DRC11: variants seen among roughly 807,000 people sequenced by gnomAD.
DRC11 encodes the protein IQ and AAA domain-containing protein 1.
At chr2:236,309,223 GC>G in the DRC11 span, among the ~76,000 whole-genome samples, 1 of 152,182 alleles carries the variant, frequency 6.6e-6, no homozygotes, top group East Asian at 1.9e-4. This position sits in a 1 kb window ranked among gnomAD's most constrained non-coding sequence, Gnocchi z 5.7. Context: ...CTGTGCCCTG[GC>G]CCTGTCAGTC....
the DRC11 span, among the ~76,000 whole-genome samples, chr2:236,470,767 T>G: frequency 6.6e-6 from 1 of 152,196 alleles, no homozygotes; most frequent in African/African-American, 2.4e-5. The surrounding 1 kb of genome is among the most constrained non-coding windows in gnomAD (Gnocchi z 5.1). Flanking sequence ...GCTTTTGCCC[T>G]CTGCTCAGAG....
At chr2:236,471,586 A>G in the DRC11 span, among the ~76,000 whole-genome samples, 8,920 of 152,264 alleles carry the variant, frequency 0.059, 650 homozygotes, top group East Asian at 0.18. This position sits in a 1 kb window ranked among gnomAD's most constrained non-coding sequence, Gnocchi z 4.6. Context: ...GCTAACACTT[A>G]CGTAGTGCTT....
At chr2:236,454,666 G>T in the DRC11 span, 1 of 152,148 alleles carries the variant, frequency 6.6e-6, no homozygotes, top group Non-Finnish European at 1.5e-5. The surrounding 1 kb of genome is among the most constrained non-coding windows in gnomAD (Gnocchi z 5.3). Context: ...GGACTATAAA[G>T]GGAAAGAATA....
the DRC11 span, among the ~76,000 whole-genome samples, chr2:236,492,468 C>T: frequency 6.6e-6 from 1 of 152,228 alleles, no homozygotes; most frequent in African/African-American, 2.4e-5. Flanking sequence ...TTCCTTAACA[C>T]CATCACCCAG....
the DRC11 span, among the ~76,000 whole-genome samples, chr2:236,342,708 G>A: frequency 2.0e-5 from 3 of 152,338 alleles, no homozygotes; most frequent in South Asian, 2.1e-4. This position sits in a 1 kb window ranked among gnomAD's most constrained non-coding sequence, Gnocchi z 5.8. Context: ...CATTGGAGCT[G>A]GGGGTGGAAA....
chr2:236,444,614 T>C, the DRC11 span, among the ~76,000 whole-genome samples: 1 of 152,156 alleles, frequency 6.6e-6, no homozygotes, highest in East Asian at 1.9e-4. Flanking sequence ...TCCCCCAAGG[T>C]AGCCCATCCA....
chr2:236,329,430 C>A, the DRC11 span, among the ~76,000 whole-genome samples: 1 of 152,178 alleles, frequency 6.6e-6, no homozygotes, highest in Non-Finnish European at 1.5e-5. Flanking sequence ...GCAGTCAATA[C>A]GTATTAGCTA....
chr2:236,361,978 G>A, the DRC11 span, among the ~76,000 whole-genome samples: 1 of 152,132 alleles, frequency 6.6e-6, no homozygotes, highest in Non-Finnish European at 1.5e-5. The surrounding 1 kb of genome is among the most constrained non-coding windows in gnomAD (Gnocchi z 5.7). Flanking sequence ...TATCAGACCA[G>A]GTAGATTTCA....
the DRC11 span, among the ~76,000 whole-genome samples, chr2:236,395,526 C>T: frequency 6.6e-6 from 1 of 152,146 alleles, no homozygotes; most frequent in Non-Finnish European, 1.5e-5. Flanking sequence ...TCCAAAGGCC[C>T]GGAGAGTTTA....
At chr2:236,313,585 T>C in the DRC11 span, among the ~76,000 whole-genome samples, 2 of 152,234 alleles carry the variant, frequency 1.3e-5, no homozygotes, top group Non-Finnish European at 2.9e-5. The surrounding 1 kb of genome is among the most constrained non-coding windows in gnomAD (Gnocchi z 4.5). Context: ...CTGAAAAACA[T>C]ATTCACACAA....
At chr2:236,313,137 AAAAG>A in the DRC11 span, among the ~76,000 whole-genome samples, 14 of 152,176 alleles carry the variant, frequency 9.2e-5, no homozygotes, top group African/African-American at 2.9e-4. The surrounding 1 kb of genome is among the most constrained non-coding windows in gnomAD (Gnocchi z 4.5). Flanking sequence ...AAAGAACAGA[AAAAG>A]AAAGAATATT....
the DRC11 span, chr2:236,344,524 A>C: frequency 1.9e-6 from 3 of 1,539,636 alleles, no homozygotes; most frequent in Non-Finnish European, 2.7e-6. Context: ...GGAGGAAAGA[A>C]AAGGCAAAAG....
At chr2:236,419,173 CTTTT>C in the DRC11 span, 3 of 1,533,948 alleles carry the variant, frequency 2.0e-6, no homozygotes, top group African/African-American at 1.4e-5. The surrounding 1 kb of genome is among the most constrained non-coding windows in gnomAD (Gnocchi z 4.8). Context: ...TTGTTCCTTT[CTTTT>C]GTTTTTTGGC....
the DRC11 span, among the ~76,000 whole-genome samples, chr2:236,441,790 G>A: frequency 6.6e-6 from 1 of 152,144 alleles, no homozygotes; most frequent in Non-Finnish European, 1.5e-5. Context: ...CAGAATCTGA[G>A]GTTTAGAGGT....
At chr2:236,411,599 A>C in the DRC11 span, among the ~76,000 whole-genome samples, 2 of 151,984 alleles carry the variant, frequency 1.3e-5, no homozygotes, top group Admixed American at 6.5e-5. Flanking sequence ...ATGCACATGT[A>C]TGTTTATTGT....
chr2:236,504,240 G>A, the DRC11 span, among the ~76,000 whole-genome samples: 9 of 152,012 alleles, frequency 5.9e-5, no homozygotes, highest in South Asian at 6.2e-4. This position sits in a 1 kb window ranked among gnomAD's most constrained non-coding sequence, Gnocchi z 5.0. Flanking sequence ...CCCTCGGTGC[G>A]GTGTCCTCAA....
chr2:236,491,169 ATATATATATATACACACAG>A, the DRC11 span, among the ~76,000 whole-genome samples: 1 of 80,232 alleles, frequency 1.2e-5, no homozygotes, highest in African/African-American at 6.2e-5. Flanking sequence ...GTATATATAT[ATATATATATATACACACAG>A]TATATATATA....
the DRC11 span, among the ~76,000 whole-genome samples, chr2:236,496,887 C>G: frequency 6.6e-6 from 1 of 152,296 alleles, no homozygotes; most frequent in African/African-American, 2.4e-5. This position sits in a 1 kb window ranked among gnomAD's most constrained non-coding sequence, Gnocchi z 6.3. Flanking sequence ...TGCATTCCAA[C>G]AGCCCTGGGC....
the DRC11 span, among the ~76,000 whole-genome samples, chr2:236,327,259 TTTTG>T: frequency 1.3e-5 from 2 of 152,156 alleles, no homozygotes; most frequent in East Asian, 3.8e-4. Context: ...AAACTGTTCT[TTTTG>T]TTTTTGTTTT....
Sources: allele counts gnomAD v4.1 joint callset (sites outside exome capture counted in the v4.1 genomes callset), GRCh38; gene constraint gnomAD v4.1.1; non-coding constraint Gnocchi (gnomAD v3.1); transcripts MANE v1.5; gene names NCBI Gene and HGNC (gene_info 2026-07-23, HGNC 2026-07-21).